NPVF: variants seen among roughly 807,000 people sequenced by gnomAD.
NPVF encodes neuropeptide VF precursor, also known as pro-FMRFamide-related neuropeptide VF.
Under a neutral mutation model 15.7 loss-of-function variants are expected in NPVF, and 17 were observed. The observed-to-expected ratio is 1.08, with a 90% CI of 0.74 to 1.62. NPVF has a LOEUF of 1.62. Ranked by LOEUF, NPVF falls within the 40% of genes most tolerant of loss-of-function variation. The pLI, the probability that NPVF is intolerant of heterozygous loss-of-function variation, is 0.00. For synonymous variants in NPVF, 70 were observed against 80.1 expected, an observed-to-expected ratio of 0.87 and a Z score of 0.67; for missense variants, 270 against 225.2, an observed-to-expected ratio of 1.20 and a Z score of -1.27.
At chr7:25,225,675 A>G (rs887662498) in intron 2 of NPVF, among the ~76,000 whole-genome samples, 2 of 152,204 alleles carry the variant, frequency 1.3e-5, no homozygotes. Context: ...AATGTTCAAG[A>G]GAAAGCTGCT....
rs1783107586 is a variant in NPVF, at chr7:25,225,041, T to C, written c.*81A>G. 4.3e-6 allele frequency: 5 copies of C among 1,170,278 alleles called. No homozygotes were observed. The highest frequency in any genetic ancestry group is 6.3e-6 in the Non-Finnish European group (5 of 792,392). 72.5% of individuals were successfully genotyped at this position (1,170,278 alleles called of 1,614,324 possible). On this transcript the variant is annotated 3_prime_UTR_variant, in exon 3 of 3. Coordinates refer to ENST00000222674, the MANE Select transcript of NPVF (RefSeq NM_022150.3). ...TGATCCATAGCTGATGAAGTGTATGTAGCTACTCTTCCGTGTGGTCTTCGC... is the reference window on the plus strand; with the variant it reads ...TGATCCATAGCTGATGAAGTGTATGCAGCTACTCTTCCGTGTGGTCTTCGC...
rs372439132 is a variant in NPVF, at chr7:25,226,667, G to C, written c.498C>G (p.Cys166Trp). ...CGGGATTCTGGATTTCTTGGTGCTG[G>C]CAGGTCATGGAGTAAAATAAGTCAT... ...CANDLFYSMT[C>W]QHQEIQNPDQ... The change falls in exon 2 of 3, where the codon TGC becomes TGG. Residue 166 changes from cysteine (C) to tryptophan (W), a missense_variant. Coordinates refer to ENST00000222674, the MANE Select transcript of NPVF (RefSeq NM_022150.3). 3 of 1,613,960 alleles carry C rather than the reference G, an allele frequency of 1.9e-6. No individual in the cohort carries two copies. The East Asian group carries it at 6.7e-5, about 36-fold the overall frequency.
rs1048332399 is a variant in NPVF, at chr7:25,227,131, G to A, written c.139-105C>T. On this transcript the variant is annotated intron_variant, in intron 1 of 2. Coordinates refer to ENST00000222674, the MANE Select transcript of NPVF (RefSeq NM_022150.3). ...GACTTTAATCTGCAGAATTGTTAAA[G>A]CTATAAACAAAGTTTGTGTTCATAT... 357 of 1,041,544 alleles carry A rather than the reference G, an allele frequency of 3.4e-4. 3 individuals are homozygous for A. The highest frequency in any genetic ancestry group is 3.0e-4 in the Admixed American group (12 of 40,658). The allele number at this position is 1,041,544 out of a possible 1,614,324, so 64.5% of individuals were successfully genotyped here. A position where few individuals can be genotyped will look rare whatever the true frequency, so the allele number is the denominator to read the frequency against.
At position 25,226,688 on chromosome 7, in the gene NPVF, G is replaced by C. The variant is rs1243249667; in HGVS notation, c.477C>G (p.Asp159Glu). The C allele has an allele frequency of 6.2e-7, 1 of 1,614,176 alleles. No homozygotes were observed. Among genetic ancestry groups the C allele is most frequent in the Non-Finnish European group, 8.5e-7 (1 of 1,180,034 alleles). Reference sequence around the variant, plus strand: ...GCTGGCAGGTCATGGAGTAAAATAAGTCATTGGCACATGGTGAATGCATGG... The same window carrying C: ...GCTGGCAGGTCATGGAGTAAAATAACTCATTGGCACATGGTGAATGCATGG... ...QGSMHSPCANDLFYSMTCQHQ... is the reference protein window; with the variant it reads ...QGSMHSPCANELFYSMTCQHQ... Residue 159 changes from aspartate (D) to glutamate (E), a missense_variant, in exon 2 of 3, where the codon GAC becomes GAG. Coordinates refer to ENST00000222674, the MANE Select transcript of NPVF (RefSeq NM_022150.3).
intron 2 of NPVF, among the ~76,000 whole-genome samples, chr7:25,225,991 C>T (rs543453413): frequency 6.6e-6 from 1 of 152,260 alleles, no homozygotes; most frequent in South Asian, 2.1e-4. Flanking sequence ...TGCCACTGTA[C>T]TTTCTTCAGG....
In NPVF at chr7:25,226,875, T is replaced by G; in HGVS notation, c.290A>C (p.Gln97Pro). The G allele has an allele frequency of 1.2e-6, 2 of 1,614,230 alleles. No individual in the cohort carries two copies. The highest frequency in any genetic ancestry group is 1.7e-6 in the Non-Finnish European group (2 of 1,180,030). ...TGTTGCTCCAGCACTTCTTTCTTCT[T>G]GAACGTTCCTCCCAAATCTCAATGG... ...NLPLRFGRNVQEERSAGATAN... is the reference protein window; with the variant it reads ...NLPLRFGRNVPEERSAGATAN... Residue 97 changes from glutamine to proline, a missense_variant, in exon 2 of 3, where the codon CAA becomes CCA. Transcript: ENST00000222674.
In NPVF at chr7:25,228,457, T is replaced by G. The variant is rs769963084; in HGVS notation, c.-18A>C. 5.0e-5 allele frequency: 79 copies of G among 1,570,380 alleles called. 1 individual carries two copies. The highest frequency in any genetic ancestry group is 1.7e-6 in the Non-Finnish European group (2 of 1,146,980). Reference sequence around the variant, plus strand: ...ATTTCCATTTTGTCTAAATCTAAAATTAAGTCTCTATGTGCAGCCCAATGT... The same window carrying G: ...ATTTCCATTTTGTCTAAATCTAAAAGTAAGTCTCTATGTGCAGCCCAATGT... On this transcript the variant is annotated 5_prime_UTR_variant, in exon 1 of 3. Coordinates refer to ENST00000222674, the MANE Select transcript of NPVF (RefSeq NM_022150.3).
intron 2 of NPVF, among the ~76,000 whole-genome samples, chr7:25,225,778 G>A (rs548048223): frequency 2.8e-4 from 43 of 152,220 alleles, no homozygotes; most frequent in Middle Eastern, 6.8e-3. Flanking sequence ...CATTCATCCC[G>A]TCAGATATTG....
Position 25,224,962 on chromosome 7 carries a change from TACA to T in NPVF, c.*157_*159del. ...CGTAACAAATATGCTTTAATTTTTT[TACA>T]ACTTTCAAGATACTATTATAGCTGT... On this transcript the variant is annotated 3_prime_UTR_variant, in exon 3 of 3. Coordinates refer to ENST00000222674, the MANE Select transcript of NPVF (RefSeq NM_022150.3). 1 of 537,466 alleles carries T rather than the reference TACA, an allele frequency of 1.9e-6. No homozygotes were observed. The highest frequency in any genetic ancestry group is 3.3e-6 in the Non-Finnish European group (1 of 301,854). The allele number at this position is 537,466 out of a possible 1,614,324, so 33.3% of individuals were successfully genotyped here.
At chr7:25,225,486 C>T (rs999765151) in intron 2 of NPVF, among the ~76,000 whole-genome samples, 4 of 152,230 alleles carry the variant, frequency 2.6e-5, no homozygotes, top group South Asian at 2.1e-4. Context: ...TGATGAATGA[C>T]GCCCCAAGTC....
chr7:25,227,840 A>G lies in NPVF; in HGVS notation c.138+462T>C, dbSNP rs532240433. ...TTGGAAAACACATAAAAGAAAATAA[A>G]AACAATTTGCAATTTTACCATCTAC... On this transcript the variant is annotated intron_variant, in intron 1 of 2. Coordinates refer to ENST00000222674, the MANE Select transcript of NPVF (RefSeq NM_022150.3). 9.6e-4 allele frequency among the ~76,000 whole-genome samples: 146 copies of G among 152,380 alleles called. 3 individuals are homozygous for G. The South Asian group carries it at 0.028, about 29-fold the overall frequency.
rs1391538042 is a variant in NPVF at position 25,224,840 on chromosome 7, A to G, written c.*282T>C. ...TGTGCCAATGATTTTTATATAGGGT[A>G]GTGAGGAGGGTCCTCTGTCTCTCTC... is the stretch of plus-strand genomic sequence containing the variant. On this transcript the variant is annotated 3_prime_UTR_variant, in exon 3 of 3. Transcript: ENST00000222674. 3 of 381,326 alleles carry G rather than the reference A, an allele frequency of 7.9e-6. No individual in the cohort carries two copies. The highest frequency in any genetic ancestry group is 1.4e-5 in the Non-Finnish European group (3 of 216,476). 23.6% of individuals were successfully genotyped at this position (381,326 alleles called of 1,614,324 possible). A position where few individuals can be genotyped will look rare whatever the true frequency, so the allele number is the denominator to read the frequency against.
At position 25,226,625 on chromosome 7, in the gene NPVF, C is replaced by A; in HGVS notation, c.539+1G>T. The A allele has an allele frequency of 6.2e-7, 1 of 1,612,824 alleles. No homozygotes were observed. Among genetic ancestry groups the A allele is most frequent in the Non-Finnish European group, 8.5e-7 (1 of 1,179,028 alleles). On this transcript the variant is annotated splice_donor_variant, in intron 2 of 2. Coordinates refer to ENST00000222674, the MANE Select transcript of NPVF (RefSeq NM_022150.3). LOFTEE classifies it high-confidence loss of function. ...ACTTTGACTGGTTTCCAGGTATTTA[C>A]CTTGACTGTTTTTGATCGGGATTCT...
intron 2 of NPVF, among the ~76,000 whole-genome samples, chr7:25,226,313 G>A (rs1783127792): frequency 6.6e-6 from 1 of 152,212 alleles, no homozygotes; most frequent in Non-Finnish European, 1.5e-5. Context: ...TTATGTGGGA[G>A]AGGTCCAGCG....
chr7:25,226,336 AC>A (rs1783128169), intron 2 of NPVF, among the ~76,000 whole-genome samples: 1 of 152,164 alleles, frequency 6.6e-6, no homozygotes, highest in African/African-American at 2.4e-5. Context: ...TAGACAATAT[AC>A]TGTCATTGCA....
Position 25,228,445 on chromosome 7 carries a change from C to A in NPVF, c.-6G>T. The A allele has an allele frequency of 6.3e-7, 1 of 1,577,550 alleles. No homozygotes were observed. Among genetic ancestry groups the A allele is most frequent in the Admixed American group, 1.8e-5 (1 of 56,964 alleles). On this transcript the variant is annotated 5_prime_UTR_variant, in exon 1 of 3. Coordinates refer to ENST00000222674, the MANE Select transcript of NPVF (RefSeq NM_022150.3). ...TTTGATGAAATAATTTCCATTTTGT[C>A]TAAATCTAAAATTAAGTCTCTATGT...
chr7:25,225,707 T>G (rs747483528), intron 2 of NPVF, among the ~76,000 whole-genome samples: 2 of 152,212 alleles, frequency 1.3e-5, no homozygotes, highest in Non-Finnish European at 2.9e-5. Context: ...GGTTTCCACA[T>G]ACAGAAACAC....
chr7:25,226,580 C>A (rs1241392760), intron 2 of NPVF, 46 bp downstream of exon 2: 1 of 1,580,524 alleles, frequency 6.3e-7, no homozygotes, highest in East Asian at 2.3e-5. Flanking sequence ...TCTAGACCAC[C>A]TCTATATAAC....
In NPVF at chr7:25,226,699, A is replaced by G. The variant is rs148507237; in HGVS notation, c.466T>C (p.Cys156Arg). Reference sequence around the variant, plus strand: ...ATGGAGTAAAATAAGTCATTGGCACATGGTGAATGCATGGATCCTTGACAC... The same window carrying G: ...ATGGAGTAAAATAAGTCATTGGCACGTGGTGAATGCATGGATCCTTGACAC... ...DLCQGSMHSP[C>R]ANDLFYSMTC... Residue 156 changes from cysteine (C) to arginine (R), a missense_variant, in exon 2 of 3, where the codon TGT becomes CGT. Physicochemically the swap from Cys to Arg is radical, Grantham distance 180. Coordinates refer to ENST00000222674, the MANE Select transcript of NPVF (RefSeq NM_022150.3). 519 of 1,614,094 alleles carry G rather than the reference A, an allele frequency of 3.2e-4. 4 individuals carry two copies. The highest frequency in any genetic ancestry group is 2.1e-3 in the Middle Eastern group (13 of 6,084).
Sources: allele counts gnomAD v4.1 joint callset (sites outside exome capture counted in the v4.1 genomes callset), GRCh38; gene constraint gnomAD v4.1.1; transcripts MANE v1.5; gene names NCBI Gene and HGNC (gene_info 2026-07-23, HGNC 2026-07-21).